PAN3: variants seen among roughly 807,000 people sequenced by gnomAD.
The protein encoded by PAN3 is poly(A) specific ribonuclease subunit PAN3, also known as PAN2-PAN3 deadenylation complex subunit PAN3.
Under a neutral mutation model 96.2 loss-of-function variants are expected in PAN3, and 19 were observed. The ratio of observed to expected loss-of-function variants is 0.20; its 90% CI spans 0.14 to 0.29. The LOEUF is 0.29. PAN3 is among the 10% of genes least tolerant of loss of function. The pLI is 1.00. For missense variants in PAN3, 882 were observed against 1,108.1 expected (o/e 0.80, Z 2.90); for synonymous variants, 433 against 406.6 (o/e 1.06, Z -0.78).
intron 5 of PAN3, among the ~76,000 whole-genome samples, chr13:28,204,772 A>G (rs1050088111): frequency 2.6e-4 from 40 of 152,350 alleles, no homozygotes; most frequent in Middle Eastern, 3.4e-3. Flanking sequence ...TTTACCTAAA[A>G]GTAGTGATAC....
At chr13:28,171,836 G>A (rs1444033072) in intron 1 of PAN3, among the ~76,000 whole-genome samples, 1 of 152,170 alleles carries the variant, frequency 6.6e-6, no homozygotes, top group Non-Finnish European at 1.5e-5. Context: ...GTTGGGTAGG[G>A]CTGAAAGTTC....
chr13:28,246,625 C>G (rs1462703058), intron 6 of PAN3, among the ~76,000 whole-genome samples: 1 of 152,168 alleles, frequency 6.6e-6, no homozygotes, highest in Admixed American at 6.5e-5. Context: ...TTCTTTCTAT[C>G]TCTATGAGAT....
chr13:28,257,533 A>G (rs1885242323), intron 7 of PAN3, among the ~76,000 whole-genome samples: 1 of 150,712 alleles, frequency 6.6e-6, no homozygotes, highest in Admixed American at 6.7e-5. Context: ...CCGTATTTAC[A>G]CCCACTCCCC....
intron 8 of PAN3, 94 bp from the exon 9 acceptor site, chr13:28,261,307 C>T: frequency 7.2e-6 from 6 of 829,232 alleles, no homozygotes; most frequent in Non-Finnish European, 9.0e-6. Context: ...GTGCATATGC[C>T]AAAAATATTA....
At chr13:28,255,917 A>G (rs1184811140) in intron 6 of PAN3, among the ~76,000 whole-genome samples, 1 of 152,050 alleles carries the variant, frequency 6.6e-6, no homozygotes. Context: ...TTTATAAAAG[A>G]AAAACTTTTA....
At chr13:28,280,688 A>G in intron 16 of PAN3, 147 bp downstream of exon 16, 1 of 677,788 alleles carries the variant, frequency 1.5e-6, no homozygotes, top group Non-Finnish European at 2.3e-6. Flanking sequence ...CAGCCTCCCA[A>G]GTAGCTGGGA....
At position 28,270,815 on chromosome 13, in the gene PAN3, T is replaced by C. The variant is rs1003722207; in HGVS notation, c.1907T>C (p.Leu636Ser). ...TTGCGTACCATTCATACAGCAGGTT[T>C]GGCATGTCGAGTTATGGATCCAACA... ...SALRTIHTAG[L>S]ACRVMDPTKI... is the part of the protein sequence containing the mutation. Residue 636 changes from leucine to serine, a missense_variant, in exon 13 of 19, where the codon TTG (leucine) becomes TCG (serine). Physicochemically the swap from Leu to Ser is moderately radical, Grantham distance 145 (BLOSUM62 -2). Coordinates refer to ENST00000380958, the MANE Select transcript of PAN3 (RefSeq NM_175854.8). 9 of 1,613,876 alleles carry C rather than the reference T, an allele frequency of 5.6e-6. No homozygotes were observed. Among genetic ancestry groups the C allele is most frequent in the African/African-American group, 1.3e-5 (1 of 74,928 alleles).
intron 5 of PAN3, among the ~76,000 whole-genome samples, chr13:28,198,584 A>T (rs1878348291): frequency 6.6e-6 from 1 of 152,232 alleles, no homozygotes; most frequent in South Asian, 2.1e-4. Context: ...CCAACAAAAA[A>T]ATTTATATGC....
chr13:28,264,729 T>A (rs903214244), intron 9 of PAN3, among the ~76,000 whole-genome samples: 7 of 152,186 alleles, frequency 4.6e-5, no homozygotes, highest in Non-Finnish European at 8.8e-5. Context: ...CAAAGTATGA[T>A]TCCTTAACCA....
intron 6 of PAN3, among the ~76,000 whole-genome samples, chr13:28,229,174 A>G (rs1882293313): frequency 6.6e-6 from 1 of 152,218 alleles, no homozygotes; most frequent in Admixed American, 6.5e-5. Context: ...TTTAGAAGCA[A>G]AAGTTTTTAA....
At chr13:28,250,029 C>G (rs1593560675) in intron 6 of PAN3, among the ~76,000 whole-genome samples, 1 of 152,124 alleles carries the variant, frequency 6.6e-6, no homozygotes, top group South Asian at 2.1e-4. Context: ...AGACAGTTAT[C>G]TTTTCTCCTT....
Position 28,280,398 on chromosome 13 carries a change from T to C in PAN3, c.2190-14T>C. 6.3e-7 allele frequency: 1 copy of C among 1,594,864 alleles called. No individual in the cohort carries two copies. The highest frequency in any genetic ancestry group is 8.5e-7 in the Non-Finnish European group (1 of 1,172,270). On this transcript the variant is annotated splice_polypyrimidine_tract_variant and intron_variant, in intron 15 of 18. Coordinates refer to ENST00000380958, the MANE Select transcript of PAN3 (RefSeq NM_175854.8). ...TGTTGGACATCCAAGTAATTCCTCT[T>C]TTATCTTGGGTAGGTATTTGTTGAC...
intron 1 of PAN3, among the ~76,000 whole-genome samples, chr13:28,154,613 G>A (rs1036414156): frequency 6.6e-6 from 1 of 152,004 alleles, no homozygotes. Flanking sequence ...TCCCGCCTCA[G>A]CCTCCCAAGT....
At position 28,176,659 on chromosome 13, in the gene PAN3, G is replaced by T. The variant is rs928400992; in HGVS notation, c.619+100G>T. The T allele has an allele frequency of 5.3e-6, 6 of 1,130,884 alleles. No homozygotes were observed. In the African/African-American group the frequency reaches 6.3e-5, roughly 12 times the overall value. The allele number at this position is 1,130,884 out of a possible 1,614,324, so 70.1% of individuals were successfully genotyped here. On this transcript the variant is annotated intron_variant, in intron 3 of 18. Transcript: ENST00000380958. ...TAGAAATTTTGAAAATTGTAAACGG[G>T]CATAAAGAAGAAAATAAAAATTATT...
At chr13:28,218,973 C>G (rs1467689906) in intron 5 of PAN3, among the ~76,000 whole-genome samples, 1 of 152,128 alleles carries the variant, frequency 6.6e-6, no homozygotes, top group East Asian at 1.9e-4. Context: ...ACATACCGGC[C>G]CTGACATACT....
intron 1 of PAN3, among the ~76,000 whole-genome samples, chr13:28,145,695 A>G (rs1179281764): frequency 6.6e-6 from 1 of 151,470 alleles, no homozygotes; most frequent in Non-Finnish European, 1.5e-5. Flanking sequence ...GCCTCAAGCA[A>G]TACTCCTGCC....
chr13:28,229,207 G>T (rs1430003654), intron 6 of PAN3, among the ~76,000 whole-genome samples: 1 of 152,180 alleles, frequency 6.6e-6, no homozygotes, highest in African/African-American at 2.4e-5. Context: ...GTTATCTCAT[G>T]AATATACATT....
At chr13:28,223,871 ATTTTTTTTTTTTTT>A (rs560571140) in intron 6 of PAN3, among the ~76,000 whole-genome samples, 4 of 75,012 alleles carry the variant, frequency 5.3e-5, no homozygotes, top group Non-Finnish European at 4.9e-5. Context: ...ATGAAAAGTG[ATTTTTTTTTTTTTT>A]TTTTTTTTTT....
intron 1 of PAN3, among the ~76,000 whole-genome samples, chr13:28,163,699 G>T (rs1002293472): frequency 4.6e-5 from 7 of 152,214 alleles, no homozygotes. Flanking sequence ...ATGGTAAAGT[G>T]TGGGAGATTT....
Sources: allele counts gnomAD v4.1 joint callset (sites outside exome capture counted in the v4.1 genomes callset), GRCh38; gene constraint gnomAD v4.1.1; transcripts MANE v1.5; gene names NCBI Gene and HGNC (gene_info 2026-07-23, HGNC 2026-07-21).